Variants in ZDHHC2 observed in about 807,000 individuals in gnomAD.
ZDHHC2 encodes zDHHC palmitoyltransferase 2.
ZDHHC2 carries 51 observed loss-of-function variants against 55.6 expected under a neutral mutation model. That is an observed-to-expected ratio of 0.92 (90% CI 0.73 to 1.16). The LOEUF is 1.16. Ranked by LOEUF, ZDHHC2 falls within the 50% of genes most tolerant of loss-of-function variation. ZDHHC2 has a pLI of 0.00. For synonymous variants in ZDHHC2, 199 were observed against 152.9 expected (o/e 1.30, Z -2.22); for missense variants, 491 against 442.4 (o/e 1.11, Z -0.99).
At chr8:17,167,168 T>G (rs1804642899) in intron 1 of ZDHHC2, among the ~76,000 whole-genome samples, 1 of 152,132 alleles carries the variant, frequency 6.6e-6, no homozygotes, top group Non-Finnish European at 1.5e-5. Flanking sequence ...TTGTTCAGTT[T>G]GAGCCCTCTG....
intron 10 of ZDHHC2, among the ~76,000 whole-genome samples, chr8:17,213,172 A>T (rs750128919): frequency 5.9e-5 from 9 of 152,136 alleles, no homozygotes; most frequent in Non-Finnish European, 1.0e-4. Context: ...GTTCGGGCGT[A>T]ACTTCAGAAT....
chr8:17,209,985 T>A lies in ZDHHC2; in HGVS notation c.784T>A (p.Leu262Met), dbSNP rs773463649. ...RHGTDKNGFS[L>M]GFSKNMRQVF... Reference sequence around the variant, plus strand: ...TGGAACAGATAAGAATGGATTCAGCTTGGGTTTCAGTAAAAACATGCGACA... The same window carrying A: ...TGGAACAGATAAGAATGGATTCAGCATGGGTTTCAGTAAAAACATGCGACA... The change falls in exon 9 of 13, where the codon TTG becomes ATG. Residue 262 changes from leucine (L) to methionine (M), a missense_variant. Physicochemically the swap from Leu to Met is conservative, Grantham distance 15. Coordinates refer to ENST00000262096, the MANE Select transcript of ZDHHC2 (RefSeq NM_016353.5). The A allele has an allele frequency of 6.2e-7, 1 of 1,611,780 alleles. No homozygotes were observed. The highest frequency in any genetic ancestry group is 1.7e-5 in the Admixed American group (1 of 59,714).
At chr8:17,196,099 A>G (rs1005604369) in intron 4 of ZDHHC2, among the ~76,000 whole-genome samples, 1 of 152,170 alleles carries the variant, frequency 6.6e-6, no homozygotes, top group Non-Finnish European at 1.5e-5. Context: ...TATCTTTAAA[A>G]TTTTCTTACA....
chr8:17,163,739 A>G (rs1292270444), intron 1 of ZDHHC2, among the ~76,000 whole-genome samples: 1 of 152,172 alleles, frequency 6.6e-6, no homozygotes, highest in Non-Finnish European at 1.5e-5. Flanking sequence ...TTGCAGAATG[A>G]CAGATTAGAA....
intron 1 of ZDHHC2, among the ~76,000 whole-genome samples, chr8:17,164,889 A>G (rs1376847926): frequency 2.6e-5 from 4 of 152,190 alleles, no homozygotes; most frequent in South Asian, 2.1e-4. Flanking sequence ...GGTATGTGAC[A>G]TGGAGTAAGG....
At position 17,169,569 on chromosome 8, in the gene ZDHHC2, G is replaced by A. The variant is rs1489920451; in HGVS notation, c.130+12716G>A. 2.0e-5 allele frequency among the ~76,000 whole-genome samples: 3 copies of A among 152,198 alleles called. No individual in the cohort carries two copies. In the East Asian group the frequency reaches 5.8e-4, roughly 29 times the overall value. On this transcript the variant is annotated intron_variant, in intron 1 of 12. Transcript: ENST00000262096. Reference sequence around the variant, plus strand: ...GAGGAGTGGGTGGGAAGGAGGGGAAGTATGCCGTGAATGCATCGTGAATAC... The same window carrying A: ...GAGGAGTGGGTGGGAAGGAGGGGAAATATGCCGTGAATGCATCGTGAATAC...
intron 6 of ZDHHC2, among the ~76,000 whole-genome samples, chr8:17,203,056 C>G (rs1192576145): frequency 8.0e-6 from 1 of 124,418 alleles, no homozygotes; most frequent in Admixed American, 1.1e-4. Flanking sequence ...CCCATGTTGT[C>G]CAAAGTCTTT....
At chr8:17,204,060 C>T (rs1023082237) in intron 6 of ZDHHC2, among the ~76,000 whole-genome samples, 12 of 152,168 alleles carry the variant, frequency 7.9e-5, no homozygotes, top group Non-Finnish European at 1.5e-4. Context: ...CCTGCCTCGG[C>T]CACCCAAAGT....
chr8:17,218,791 G>A (rs765800775), intron 12 of ZDHHC2, among the ~76,000 whole-genome samples: 63 of 152,112 alleles, frequency 4.1e-4, no homozygotes, highest in Non-Finnish European at 8.1e-4. Flanking sequence ...GATACAACCA[G>A]TTGCAGTAAC....
intron 3 of ZDHHC2, among the ~76,000 whole-genome samples, chr8:17,191,815 C>G (rs1214684721): frequency 6.6e-6 from 1 of 152,068 alleles, no homozygotes; most frequent in Admixed American, 6.6e-5. Context: ...TACTTGTTTC[C>G]TTTCTTTTGG....
chr8:17,198,933 A>G (rs1806467422), intron 6 of ZDHHC2, among the ~76,000 whole-genome samples: 1 of 152,238 alleles, frequency 6.6e-6, no homozygotes, highest in Non-Finnish European at 1.5e-5. Context: ...CTCAGTCACG[A>G]AATCAGGTAA....
At chr8:17,188,785 G>A (rs1318230371) in intron 3 of ZDHHC2, among the ~76,000 whole-genome samples, 2 of 152,108 alleles carry the variant, frequency 1.3e-5, no homozygotes, top group Admixed American at 1.3e-4. Context: ...AGAAATTTCA[G>A]GTTCAACACA....
At chr8:17,218,950 T>C (rs1293055192) in intron 12 of ZDHHC2, among the ~76,000 whole-genome samples, 1 of 152,142 alleles carries the variant, frequency 6.6e-6, no homozygotes, top group Admixed American at 6.6e-5. Flanking sequence ...GCCTAATTTA[T>C]ATTAAATATC....
intron 3 of ZDHHC2, among the ~76,000 whole-genome samples, chr8:17,195,085 G>C (rs950340993): frequency 1.3e-5 from 2 of 152,096 alleles, no homozygotes; most frequent in Non-Finnish European, 2.9e-5. Flanking sequence ...ACTCACTTAG[G>C]TAAGAAGATA....
chr8:17,160,538 G>T (rs1187237878), intron 1 of ZDHHC2, among the ~76,000 whole-genome samples: 1 of 152,180 alleles, frequency 6.6e-6, no homozygotes, highest in Non-Finnish European at 1.5e-5. Context: ...CCTAGCGGAG[G>T]TGTCAGCTAT....
At chr8:17,173,505 A>G (rs1227794389) in intron 1 of ZDHHC2, among the ~76,000 whole-genome samples, 2 of 151,794 alleles carry the variant, frequency 1.3e-5, no homozygotes, top group Non-Finnish European at 2.9e-5. Context: ...GGGAGATGCT[A>G]TCGCTACAAA....
chr8:17,156,826 T>A lies in ZDHHC2; in HGVS notation c.103T>A (p.Tyr35Asn). Residue 35 changes from tyrosine to asparagine, a missense_variant, in exon 1 of 13, where the codon TAC becomes AAC. Transcript: ENST00000262096. ...CACCCTCCTGCTCGGCTGGTCCTACTACGCCTACGCCATCCAGCTGTGCAT... is the reference window on the plus strand; with the variant it reads ...CACCCTCCTGCTCGGCTGGTCCTACAACGCCTACGCCATCCAGCTGTGCAT... The part of the protein sequence containing the change: ...FITLLLGWSY[Y>N]AYAIQLCIVS... The A allele has an allele frequency of 6.6e-7, 1 of 1,519,436 alleles. No homozygotes were observed. Among genetic ancestry groups the A allele is most frequent in the Non-Finnish European group, 8.8e-7 (1 of 1,132,246 alleles). 94.1% of individuals were successfully genotyped at this position (1,519,436 alleles called of 1,614,324 possible).
intron 1 of ZDHHC2, among the ~76,000 whole-genome samples, chr8:17,167,846 C>G (rs1001858584): frequency 2.0e-5 from 3 of 149,000 alleles, no homozygotes; most frequent in African/African-American, 7.4e-5. Flanking sequence ...AAAATAATCA[C>G]AAAAAAATGA....
chr8:17,181,234 C>G (rs1341259027), intron 1 of ZDHHC2, among the ~76,000 whole-genome samples: 4 of 152,164 alleles, frequency 2.6e-5, no homozygotes, highest in African/African-American at 4.8e-5. Context: ...GTCTGTTTGT[C>G]TAAGTCAGTC....
Sources: allele counts gnomAD v4.1 joint callset (sites outside exome capture counted in the v4.1 genomes callset), GRCh38; gene constraint gnomAD v4.1.1; transcripts MANE v1.5; gene names NCBI Gene and HGNC (gene_info 2026-07-23, HGNC 2026-07-21).